Variants in KIF18A observed in about 807,000 individuals in gnomAD.
The protein encoded by KIF18A is kinesin family member 18A, also known as kinesin-like protein KIF18A.
KIF18A carries 67 observed loss-of-function variants against 103.3 expected under a neutral mutation model. The ratio of observed to expected loss-of-function variants is 0.65; its 90% CI spans 0.53 to 0.79. The LOEUF (loss-of-function observed/expected upper bound fraction) is 0.79. Ranked by LOEUF, KIF18A falls within the 30% of genes least tolerant of loss-of-function variation. The probability of loss-of-function intolerance (pLI) is 0.00; values close to 1 mark genes in which losing one functional copy is unlikely to be tolerated. For synonymous variants in KIF18A, 367 were observed against 355.5 expected, an observed-to-expected ratio of 1.03 and a Z score of -0.36; for missense variants, 1,032 against 1,062.5, an observed-to-expected ratio of 0.97 and a Z score of 0.40.
At chr11:28,040,909 C>T (rs1850551023) in intron 13 of KIF18A, among the ~76,000 whole-genome samples, 1 of 151,682 alleles carries the variant, frequency 6.6e-6, no homozygotes, top group Non-Finnish European at 1.5e-5. Context: ...GTGAATAGGA[C>T]TTTTTGAAAT....
chr11:28,021,528 G>A (rs1205297226), intron 16 of KIF18A, among the ~76,000 whole-genome samples: 1 of 152,168 alleles, frequency 6.6e-6, no homozygotes, highest in Non-Finnish European at 1.5e-5. Flanking sequence ...CAGACATCGG[G>A]TGAAGTCGCT....
At chr11:28,031,224 C>T (rs961319604) in intron 15 of KIF18A, among the ~76,000 whole-genome samples, 2 of 152,282 alleles carry the variant, frequency 1.3e-5, no homozygotes, top group Middle Eastern at 3.4e-3. Context: ...TATAAAGACA[C>T]ATGCACACGT....
intron 10 of KIF18A, among the ~76,000 whole-genome samples, chr11:28,071,810 C>T (rs372342768): frequency 6.6e-6 from 1 of 152,038 alleles, no homozygotes; most frequent in Non-Finnish European, 1.5e-5. Flanking sequence ...TCAGTTACTT[C>T]GTCTGAAAAA....
intron 3 of KIF18A, among the ~76,000 whole-genome samples, chr11:28,092,486 T>C (rs1851319572): frequency 6.6e-6 from 1 of 152,230 alleles, no homozygotes; most frequent in South Asian, 2.1e-4. Context: ...CTCTACTGCA[T>C]CATACTGAAT....
chr11:28,039,488 T>C (rs1280983808), intron 13 of KIF18A, among the ~76,000 whole-genome samples: 1 of 151,752 alleles, frequency 6.6e-6, no homozygotes, highest in East Asian at 1.9e-4. Flanking sequence ...AGTCATTATT[T>C]TTTAAAATAC....
intron 11 of KIF18A, among the ~76,000 whole-genome samples, chr11:28,062,814 A>T (rs1850872369): frequency 6.6e-6 from 1 of 151,974 alleles, no homozygotes; most frequent in African/African-American, 2.4e-5. Context: ...CATAAATATG[A>T]CCAGTTTTTG....
At chr11:28,030,600 C>A (rs1850384658) in intron 15 of KIF18A, among the ~76,000 whole-genome samples, 1 of 152,066 alleles carries the variant, frequency 6.6e-6, no homozygotes, top group Non-Finnish European at 1.5e-5. Flanking sequence ...CTAGGCAATA[C>A]CATTCAGGAC....
chr11:28,047,500 T>A (rs529524192), intron 13 of KIF18A, among the ~76,000 whole-genome samples: 1 of 152,162 alleles, frequency 6.6e-6, no homozygotes, highest in African/African-American at 2.4e-5. Context: ...GATCATCTTA[T>A]ACAAACAACC....
chr11:28,029,104 A>G (rs1375043603), intron 15 of KIF18A, among the ~76,000 whole-genome samples: 2 of 152,146 alleles, frequency 1.3e-5, no homozygotes, highest in African/African-American at 2.4e-5. Context: ...AGAGGTACAA[A>G]GAGGAGCTGG....
chr11:28,100,636 T>C (rs1268475012), intron 1 of KIF18A, among the ~76,000 whole-genome samples: 4 of 151,756 alleles, frequency 2.6e-5, no homozygotes, highest in Non-Finnish European at 5.9e-5. Flanking sequence ...CAAGCTGAAA[T>C]ATGTCACAAA....
In KIF18A at chr11:28,054,585, G is replaced by T. The variant is rs138046686; in HGVS notation, c.1948+4341C>A. On this transcript the variant is annotated intron_variant, in intron 13 of 16. Transcript: ENST00000263181. ...GTTAATCTAGTAAATACTTTTAAAG[G>T]TCCCTAAGGCACTTGAACTCACTTA... Among the ~76,000 whole-genome samples the T allele has an allele frequency of 3.9e-5, 6 of 152,198 alleles. No individual in the cohort carries two copies. In the East Asian group the frequency reaches 9.6e-4, roughly 24 times the overall value.
At chr11:28,028,878 C>T in intron 15 of KIF18A, among the ~76,000 whole-genome samples, 1 of 152,060 alleles carries the variant, frequency 6.6e-6, no homozygotes, top group Non-Finnish European at 1.5e-5. Flanking sequence ...ATACAAACTA[C>T]CATCAGAGAA....
intron 9 of KIF18A, among the ~76,000 whole-genome samples, chr11:28,081,150 TAA>T (rs1745030558): frequency 6.6e-6 from 1 of 152,128 alleles, no homozygotes; most frequent in Admixed American, 6.6e-5. Context: ...CTCTAGAACA[TAA>T]AAGTCTAGGT....
intron 11 of KIF18A, among the ~76,000 whole-genome samples, chr11:28,064,623 T>C (rs1047715563): frequency 5.9e-5 from 9 of 152,066 alleles, no homozygotes; most frequent in African/African-American, 2.2e-4. Flanking sequence ...CCCTCCTTTA[T>C]ATACATCCTC....
chr11:28,060,506 C>G (rs572345809), intron 12 of KIF18A, among the ~76,000 whole-genome samples: 6 of 151,992 alleles, frequency 3.9e-5, no homozygotes, highest in Admixed American at 3.9e-4. Flanking sequence ...GTAACAAGTA[C>G]AAGAAAAAGT....
chr11:28,052,903 G>A (rs1280147251), intron 13 of KIF18A, among the ~76,000 whole-genome samples: 2 of 151,652 alleles, frequency 1.3e-5, no homozygotes, highest in Non-Finnish European at 2.9e-5. Flanking sequence ...AGGATGGCTG[G>A]GCAATTCACA....
intron 13 of KIF18A, among the ~76,000 whole-genome samples, chr11:28,045,602 A>G (rs1338828089): frequency 6.6e-6 from 1 of 152,032 alleles, no homozygotes; most frequent in African/African-American, 2.4e-5. Flanking sequence ...TATATTATAT[A>G]ACATACACAT....
At chr11:28,047,282 T>C (rs1850648794) in intron 13 of KIF18A, among the ~76,000 whole-genome samples, 1 of 152,018 alleles carries the variant, frequency 6.6e-6, no homozygotes, top group Admixed American at 6.6e-5. Context: ...AGTCCATCGC[T>C]ACAAGAAAAA....
chr11:28,047,271 T>C (rs1366329459), intron 13 of KIF18A, among the ~76,000 whole-genome samples: 1 of 152,062 alleles, frequency 6.6e-6, no homozygotes, highest in Non-Finnish European at 1.5e-5. Context: ...TGCTTGGTTT[T>C]AGTCCATCGC....
Sources: gnomAD v4.1 joint callset for allele counts (sites outside exome capture counted in the v4.1 genomes callset) on GRCh38, gnomAD v4.1.1 for gene constraint, MANE v1.5 for transcripts, NCBI Gene and HGNC (gene_info 2026-07-23, HGNC 2026-07-21) for gene names.